STIL: variants seen among roughly 807,000 people sequenced by gnomAD.
STIL encodes STIL centriolar assembly protein.
STIL carries 55 observed loss-of-function variants against 110.1 expected under a neutral mutation model. The observed-to-expected ratio is 0.50, with a 90% CI of 0.40 to 0.63. STIL has a LOEUF of 0.63. Among genes scored for constraint, STIL ranks in the 20% least tolerant of loss-of-function variants. The pLI is 0.00. For synonymous variants in STIL, 481 were observed against 530.0 expected (o/e 0.91, Z 1.27); for missense variants, 1,358 against 1,530.0 (o/e 0.89, Z 1.87).
At chr1:47,308,811 T>C (rs910547684) in intron 2 of STIL, among the ~76,000 whole-genome samples, 3 of 152,174 alleles carry the variant, frequency 2.0e-5, no homozygotes, top group African/African-American at 7.2e-5. Context: ...CCTAGCACTT[T>C]GGGAGGCTGA....
In STIL at chr1:47,301,591, G is replaced by A. The variant is rs762199521; in HGVS notation, c.423C>T (p.His141=). 1.9e-6 allele frequency: 3 copies of A among 1,613,834 alleles called. No individual in the cohort carries two copies. Among genetic ancestry groups the A allele is most frequent in the East Asian group, 2.2e-5 (1 of 44,862 alleles). Residue 141 remains histidine, a synonymous_variant, in exon 5 of 17, where the codon CAC becomes CAT. Transcript: ENST00000371877. ...QELCSREMIV[H]SVDDFSSALK... is the part of the protein sequence containing the mutation. ...AAGCTGAACTGAAGTCATCTACACTGTGAACTATCATTTCTCTTGAACAAA... is the reference window on the plus strand; with the variant it reads ...AAGCTGAACTGAAGTCATCTACACTATGAACTATCATTTCTCTTGAACAAA...
At chr1:47,297,167 C>G (rs1293693934) in intron 6 of STIL, among the ~76,000 whole-genome samples, 23 of 151,992 alleles carry the variant, frequency 1.5e-4, no homozygotes, top group Admixed American at 1.5e-3. Flanking sequence ...GATGGTGAAA[C>G]CCCATCTCTA....
chr1:47,262,846 GTA>G lies in STIL; in HGVS notation c.2829+55_2829+56del, dbSNP rs943863961. 3.2e-5 allele frequency: 49 copies of G among 1,525,446 alleles called. No individual in the cohort carries two copies. The African/African-American group carries it at 4.8e-4, about 15-fold the overall frequency. 94.5% of individuals were successfully genotyped at this position (1,525,446 alleles called of 1,614,324 possible). A position where few individuals can be genotyped will look rare whatever the true frequency, so the allele number is the denominator to read the frequency against. ...TTTAAACCTAGGAAAAGCTTAACTAGTATATCCTATACTAAATAACCTTCTCA... is the reference window on the plus strand; with the variant it reads ...TTTAAACCTAGGAAAAGCTTAACTAGTATCCTATACTAAATAACCTTCTCA... On this transcript the variant is annotated intron_variant, in intron 15 of 16. Transcript: ENST00000371877.
Position 47,262,934 on chromosome 1 carries a change from G to A in STIL, c.2798C>T (p.Ser933Leu). The change falls in exon 15 of 17, where the codon TCA becomes TTA. Residue 933 changes from serine (S) to leucine (L), a missense_variant. By Grantham distance (145) the Ser-to-Leu change is moderately radical. Coordinates refer to ENST00000371877, the MANE Select transcript of STIL (RefSeq NM_001048166.1). ...HVMQPLLHQP[S>L]DNQKIYQDLL... is the part of the protein sequence containing the mutation. ...ATCCTGGTAAATTTTCTGGTTATCT[G>A]ATGGTTGATGAAGCAAGGGTTGCAT... The A allele has an allele frequency of 6.2e-7, 1 of 1,614,130 alleles. No individual in the cohort carries two copies.
chr1:47,271,708 A>G (rs558813342), intron 13 of STIL, among the ~76,000 whole-genome samples: 1 of 152,070 alleles, frequency 6.6e-6, no homozygotes, highest in South Asian at 2.1e-4. Context: ...TGGGAGGCTG[A>G]GACAGGAGGA....
At chr1:47,287,292 A>G (rs1438285680) in intron 10 of STIL, among the ~76,000 whole-genome samples, 1 of 152,160 alleles carries the variant, frequency 6.6e-6, no homozygotes, top group African/African-American at 2.4e-5. Context: ...AAGCAAGATA[A>G]TTTTTTGACA....
At chr1:47,277,173 G>A (rs991730587) in intron 12 of STIL, among the ~76,000 whole-genome samples, 12 of 152,086 alleles carry the variant, frequency 7.9e-5, no homozygotes, top group Non-Finnish European at 2.9e-5. Flanking sequence ...CCATTAGAAG[G>A]GTCCAAGGAG....
intron 6 of STIL, among the ~76,000 whole-genome samples, chr1:47,298,455 G>A (rs1645704509): frequency 6.6e-6 from 1 of 152,172 alleles, no homozygotes; most frequent in Non-Finnish European, 1.5e-5. Flanking sequence ...CTCCAGCTCT[G>A]TGAGGAAACT....
chr1:47,276,283 T>A (rs1055224012), intron 12 of STIL, among the ~76,000 whole-genome samples: 4 of 152,068 alleles, frequency 2.6e-5, no homozygotes, highest in African/African-American at 4.8e-5. Flanking sequence ...ACTACAGGTG[T>A]GAGCCACCGC....
intron 1 of STIL, among the ~76,000 whole-genome samples, chr1:47,312,621 A>G (rs1426806370): frequency 2.0e-5 from 3 of 152,232 alleles, no homozygotes; most frequent in Admixed American, 2.0e-4. Context: ...CAAAGTATAA[A>G]AAGTGCCAAT....
chr1:47,312,459 A>G (rs56987466), intron 1 of STIL, among the ~76,000 whole-genome samples: 1 of 152,120 alleles, frequency 6.6e-6, no homozygotes, highest in Admixed American at 6.5e-5. Flanking sequence ...TCTCAAAAAA[A>G]AAAAAAGGTG....
At chr1:47,265,250 A>AAAAAAAAC (rs1644609633) in intron 14 of STIL, among the ~76,000 whole-genome samples, 1 of 148,590 alleles carries the variant, frequency 6.7e-6, no homozygotes, top group Non-Finnish European at 1.5e-5. Context: ...AAAAAAAAAA[A>AAAAAAAAC]AAAAAAAAAA....
At chr1:47,302,645 T>C (rs982038912) in intron 3 of STIL, among the ~76,000 whole-genome samples, 3 of 152,206 alleles carry the variant, frequency 2.0e-5, no homozygotes, top group Non-Finnish European at 4.4e-5. Context: ...CATCTGTTTC[T>C]TTACATACTG....
In STIL at chr1:47,302,352, AAAC is replaced by A. The variant is rs777328989; in HGVS notation, c.153-9_153-7del. ...TCACCACAAGCTTTGGATTTCTGAA[AAAC>A]AACAAGTCTTTTATGAATATGGTAG... On this transcript the variant is annotated splice_polypyrimidine_tract_variant and splice_region_variant and intron_variant, in intron 3 of 16. Coordinates refer to ENST00000371877, the MANE Select transcript of STIL (RefSeq NM_001048166.1). 1.1e-5 allele frequency: 18 copies of A among 1,608,118 alleles called. No homozygotes were observed. Among genetic ancestry groups the A allele is most frequent in the South Asian group, 5.5e-5 (5 of 90,974 alleles).
intron 14 of STIL, among the ~76,000 whole-genome samples, chr1:47,265,882 G>C (rs79466909): frequency 0.047 from 7,183 of 151,420 alleles, 562 homozygotes; most frequent in African/African-American, 0.16. Flanking sequence ...AACTTCCCAG[G>C]CTCCAGCAAT....
chr1:47,252,051 C>T (rs542700959), intron 16 of STIL, 129 bp from the exon 17 acceptor site: 5 of 927,470 alleles, frequency 5.4e-6, no homozygotes, highest in Non-Finnish European at 7.9e-6. Context: ...TATCTAACTA[C>T]TCAGACATCT....
At chr1:47,307,151 C>CA (rs1645983672) in intron 2 of STIL, among the ~76,000 whole-genome samples, 2 of 151,996 alleles carry the variant, frequency 1.3e-5, no homozygotes, top group South Asian at 4.1e-4. Context: ...AACTCCATCT[C>CA]AAAAAACAAA....
chr1:47,293,630 G>A lies in STIL; in HGVS notation c.786-86C>T, dbSNP rs568988716. ...TTCTTCCTAAGATAACAAAGTAGACGTATGGCTTTTATCAGCCATACATTA... is the reference window on the plus strand; with the variant it reads ...TTCTTCCTAAGATAACAAAGTAGACATATGGCTTTTATCAGCCATACATTA... On this transcript the variant is annotated intron_variant, in intron 7 of 16. Coordinates refer to ENST00000371877, the MANE Select transcript of STIL (RefSeq NM_001048166.1). 132 of 1,122,428 alleles carry A rather than the reference G, an allele frequency of 1.2e-4. No individual in the cohort carries two copies. The African/African-American group carries it at 1.6e-3, about 14-fold the overall frequency. The allele number at this position is 1,122,428 out of a possible 1,614,324, so 69.5% of individuals were successfully genotyped here. A position where few individuals can be genotyped will look rare whatever the true frequency, so the allele number is the denominator to read the frequency against.
chr1:47,313,587 CCTT>C (rs34216828), intron 1 of STIL, among the ~76,000 whole-genome samples: 41,022 of 151,920 alleles, frequency 0.27, 5,780 homozygotes, highest in Non-Finnish European at 0.32. Flanking sequence ...CTCTGTGAAA[CCTT>C]CTCCCAGACA....
Sources: gnomAD v4.1 joint callset for allele counts (sites outside exome capture counted in the v4.1 genomes callset) on GRCh38, gnomAD v4.1.1 for gene constraint, MANE v1.5 for transcripts, NCBI Gene and HGNC (gene_info 2026-07-23, HGNC 2026-07-21) for gene names.